RB1: variants seen among roughly 807,000 people sequenced by gnomAD.
RB1 encodes retinoblastoma-associated protein.
RB1 carries 18 observed loss-of-function variants against 135.4 expected under a neutral mutation model. The observed-to-expected ratio is 0.13, with a 90% confidence interval of 0.09 to 0.20. The LOEUF (loss-of-function observed/expected upper bound fraction) is 0.20, where lower values mean the gene tolerates loss of function less well. Ranked by LOEUF, RB1 falls within the 10% of genes least tolerant of loss-of-function variation. The pLI is 1.00. For synonymous variants in RB1, 365 were observed against 373.2 expected, an observed-to-expected ratio of 0.98 and a Z score of 0.25; for missense variants, 868 against 1,110.0, an observed-to-expected ratio of 0.78 and a Z score of 3.10.
At chr13:48,316,270 T>TG (rs878886132) in intron 2 of RB1, among the ~76,000 whole-genome samples, 2 of 114,514 alleles carry the variant, frequency 1.7e-5, no homozygotes, top group South Asian at 6.3e-4. Flanking sequence ...AGGGGGGCGG[T>TG]GGGGGGCGGG....
chr13:48,321,382 G>C (rs1366648294), intron 2 of RB1, among the ~76,000 whole-genome samples: 1 of 144,200 alleles, frequency 6.9e-6, no homozygotes. Flanking sequence ...CCCTCCGCCC[G>C]GGCCCCGCCT....
chr13:48,316,659 C>T (rs1440811159), intron 2 of RB1, among the ~76,000 whole-genome samples: 1 of 148,038 alleles, frequency 6.8e-6, no homozygotes. Flanking sequence ...TGTTGGTGTA[C>T]GTCTATACAG....
intron 24 of RB1, among the ~76,000 whole-genome samples, chr13:48,473,629 A>C (rs1211530009): frequency 6.6e-6 from 1 of 152,162 alleles, no homozygotes. Flanking sequence ...AGATTATATA[A>C]TACATATATA....
rs4151624 is a variant in RB1 at position 48,476,690 on chromosome 13, G to A, written c.2521-11G>A. The A allele has an allele frequency of 8.1e-3, 12,995 of 1,609,928 alleles. 74 individuals are homozygous for A. Among genetic ancestry groups the A allele is most frequent in the Middle Eastern group, 0.013 (79 of 6,052 alleles). The stretch of plus-strand genomic sequence containing the variant: ...TTAATGATTTAAAGTAAAGAATTCT[G>A]TAATTTGTAGACTTCTGAGAAGTTC... On this transcript the variant is annotated splice_polypyrimidine_tract_variant and intron_variant, in intron 24 of 26. Coordinates refer to ENST00000267163, the MANE Select transcript of RB1 (RefSeq NM_000321.3).
intron 13 of RB1, 92 bp downstream of exon 13, chr13:48,377,126 TGTCTAGTAGTATAAA>T: frequency 1.5e-6 from 2 of 1,294,008 alleles, no homozygotes; most frequent in Non-Finnish European, 2.2e-6. Context: ...TAACAGTATT[TGTCTAGTAGTATAAA>T]ATACTGTCAG....
At position 48,480,094 on chromosome 13, in the gene RB1, A is replaced by G. The variant is rs1318599730; in HGVS notation, c.*23A>G. 1 of 1,571,008 alleles carries G rather than the reference A, an allele frequency of 6.4e-7. No homozygotes were observed. The highest frequency in any genetic ancestry group is 1.4e-5 in the African/African-American group (1 of 73,870). On this transcript the variant is annotated 3_prime_UTR_variant, in exon 27 of 27. Transcript: ENST00000267163. ...TGAGGATCTCAGGACCTTGGTGGAC[A>G]CTGTGTACACCTCTGGATTCATTGT... is the stretch of plus-strand genomic sequence containing the variant.
chr13:48,425,990 A>G (rs1405395851), intron 17 of RB1, among the ~76,000 whole-genome samples: 1 of 152,206 alleles, frequency 6.6e-6, no homozygotes, highest in Non-Finnish European at 1.5e-5. Context: ...TACCCAACCC[A>G]GTTCCTTATA....
In RB1 at chr13:48,465,271, C is replaced by T. The variant is rs187912365; in HGVS notation, c.2392C>T (p.Arg798Trp). 1.2e-4 allele frequency: 199 copies of T among 1,612,902 alleles called. 2 individuals are homozygous for T. In the Admixed American group the frequency reaches 1.5e-3, roughly 12 times the overall value. ...TTACAAGTTTCCTAGTTCACCCTTA[C>T]GGATTCCTGGAGGGAACATCTATAT... ...SPYKFPSSPL[R>W]IPGGNIYISP... The change falls in exon 23 of 27, where the codon CGG becomes TGG. Residue 798 changes from arginine (R) to tryptophan (W), a missense_variant. Around this residue, in one of 3 missense-constraint regions of RB1, gnomAD observed 196 missense variants for 239.8 expected, o/e 0.82. Coordinates refer to ENST00000267163, the MANE Select transcript of RB1 (RefSeq NM_000321.3).
At chr13:48,345,025 A>G in intron 3 of RB1, 55 bp from the exon 4 acceptor site, 1 of 1,569,884 alleles carries the variant, frequency 6.4e-7, no homozygotes, top group Non-Finnish European at 8.7e-7. Flanking sequence ...TGAAAACGAA[A>G]TAACACAAAT....
At chr13:48,431,570 T>A (rs1040822475) in intron 17 of RB1, among the ~76,000 whole-genome samples, 1 of 152,202 alleles carries the variant, frequency 6.6e-6, no homozygotes, top group African/African-American at 2.4e-5. Context: ...TACTTTTTTT[T>A]ATTGGTTTTC....
At chr13:48,329,006 T>C (rs1952311483) in intron 2 of RB1, among the ~76,000 whole-genome samples, 1 of 152,292 alleles carries the variant, frequency 6.6e-6, no homozygotes, top group Admixed American at 6.5e-5. Context: ...TTATGTACAT[T>C]ATAATTTTAA....
At chr13:48,362,752 A>G (rs1952654457) in intron 7 of RB1, 63 bp from the exon 8 acceptor site, 1 of 1,524,406 alleles carries the variant, frequency 6.6e-7, no homozygotes, top group Non-Finnish European at 9.1e-7. Flanking sequence ...TTATAGTTAG[A>G]ATACTTCATT....
At chr13:48,408,718 A>T (rs1410996853) in intron 17 of RB1, 1 of 152,136 alleles carries the variant, frequency 6.6e-6, no homozygotes, top group African/African-American at 2.4e-5. Context: ...GTTATCTGTT[A>T]TGTATTGCTT....
chr13:48,439,197 A>C (rs970683052), intron 17 of RB1, among the ~76,000 whole-genome samples: 2 of 152,246 alleles, frequency 1.3e-5, no homozygotes, highest in African/African-American at 4.8e-5. Flanking sequence ...AATATGGGGC[A>C]AAATTTATAA....
chr13:48,473,296 C>T lies in RB1; in HGVS notation c.2490-64C>T, dbSNP rs569360726. 1 of 1,325,612 alleles carries T rather than the reference C, an allele frequency of 7.5e-7. No individual in the cohort carries two copies. Among genetic ancestry groups the T allele is most frequent in the Non-Finnish European group, 1.1e-6 (1 of 923,350 alleles). The allele number at this position is 1,325,612 out of a possible 1,614,324, so 82.1% of individuals were successfully genotyped here. A position where few individuals can be genotyped will look rare whatever the true frequency, so the allele number is the denominator to read the frequency against. On this transcript the variant is annotated intron_variant, in intron 23 of 26. Transcript: ENST00000267163. ...AATAGTTCAGAATGATGTATTTATG[C>T]TCATCTCTGCAAAATTGTATATGGT...
Position 48,319,870 on chromosome 13 carries a change from T to C in RB1, c.264+12464T>C, listed in dbSNP as rs557185519. ...TCTGACCGGGAAGGCAGAACCCTAGTCCTCACTGGATCTCACCTGGCTGCC... is the reference window on the plus strand; with the variant it reads ...TCTGACCGGGAAGGCAGAACCCTAGCCCTCACTGGATCTCACCTGGCTGCC... On this transcript the variant is annotated intron_variant, in intron 2 of 26. Transcript: ENST00000267163. This position sits in a 1 kb window ranked among gnomAD's most constrained non-coding sequence, Gnocchi z 5.0. 1 of 340,224 alleles carries C rather than the reference T, an allele frequency of 2.9e-6. No homozygotes were observed. Among genetic ancestry groups the C allele is most frequent in the Non-Finnish European group, 5.7e-6 (1 of 174,010 alleles). 21.1% of individuals were successfully genotyped at this position (340,224 alleles called of 1,614,324 possible).
intron 17 of RB1, among the ~76,000 whole-genome samples, chr13:48,410,197 T>C (rs551063112): frequency 6.6e-6 from 1 of 152,350 alleles, no homozygotes; most frequent in East Asian, 1.9e-4. Flanking sequence ...AATAGCATTT[T>C]GGTCAATGAC....
At chr13:48,372,078 C>G (rs1194203998) in intron 11 of RB1, among the ~76,000 whole-genome samples, 1 of 152,094 alleles carries the variant, frequency 6.6e-6, no homozygotes, top group Non-Finnish European at 1.5e-5. Flanking sequence ...AAATTGTCTT[C>G]CATGAAACCA....
chr13:48,368,640 T>C, intron 11 of RB1, 36 bp downstream of exon 11: 2 of 1,597,452 alleles, frequency 1.3e-6, no homozygotes, highest in Non-Finnish European at 1.7e-6. Context: ...TATTATAATT[T>C]TGTTATTCAT....
Sources: allele counts gnomAD v4.1 joint callset (sites outside exome capture counted in the v4.1 genomes callset), GRCh38; gene constraint gnomAD v4.1.1; regional missense constraint gnomAD v4.1.1; non-coding constraint Gnocchi (gnomAD v3.1); transcripts MANE v1.5; gene names NCBI Gene and HGNC (gene_info 2026-07-23, HGNC 2026-07-21).